Variants in LINGO2 observed in about 807,000 individuals in gnomAD.
LINGO2 encodes the protein leucine rich repeat and Ig domain containing 2, also known as leucine-rich repeat and immunoglobulin-like domain-containing nogo receptor-interacting protein 2.
A neutral mutation model predicts 30.6 loss-of-function variants in LINGO2; 14 were observed. That is an observed-to-expected ratio of 0.46 (90% CI 0.30 to 0.72). LINGO2 has a LOEUF of 0.72. Among genes scored for constraint, LINGO2 ranks in the 30% least tolerant of loss-of-function variants. LINGO2 has a pLI of 0.07. For missense variants in LINGO2, 729 were observed against 751.7 expected (o/e 0.97, Z 0.35); for synonymous variants, 317 against 288.5 (o/e 1.10, Z -1.00).
the LINGO2 span, among the ~76,000 whole-genome samples, chr9:28,884,933 A>ATATATAATATATATAATATATAATATTT: frequency 1.5e-4 from 1 of 6,844 alleles, no homozygotes; most frequent in Non-Finnish European, 3.9e-4. Flanking sequence ...ATATAATATT[A>ATATATAATATATATAATATATAATATTT]TATATAATAT....
intron 2 of LINGO2, among the ~76,000 whole-genome samples, chr9:28,461,108 G>A (rs142558007): frequency 2.6e-3 from 394 of 152,036 alleles, no homozygotes; most frequent in Non-Finnish European, 4.0e-3. Flanking sequence ...TCTACAGTTT[G>A]CTACAAATAT....
chr9:29,136,758 C>G, the LINGO2 span, among the ~76,000 whole-genome samples: 2 of 152,106 alleles, frequency 1.3e-5, no homozygotes, highest in African/African-American at 4.8e-5. Flanking sequence ...TAGTCCATAA[C>G]CACGGCTTCA....
the LINGO2 span, among the ~76,000 whole-genome samples, chr9:29,097,394 C>A: frequency 7.3e-6 from 1 of 137,684 alleles, no homozygotes; most frequent in Non-Finnish European, 1.6e-5. Context: ...ATTTCATATG[C>A]CATCTTCAAA....
chr9:28,085,852 G>A (rs1461694104), intron 4 of LINGO2, among the ~76,000 whole-genome samples: 2 of 152,070 alleles, frequency 1.3e-5, no homozygotes, highest in Admixed American at 6.6e-5. Context: ...ATTTTACTGG[G>A]CGGTATGATA....
intron 5 of LINGO2, among the ~76,000 whole-genome samples, chr9:27,960,774 G>A (rs1587544492): frequency 1.3e-5 from 2 of 151,932 alleles, no homozygotes; most frequent in East Asian, 3.9e-4. Context: ...TATAGTTATT[G>A]ATATGGTTGC....
chr9:28,027,526 G>A (rs1389341599), intron 4 of LINGO2, among the ~76,000 whole-genome samples: 1 of 152,140 alleles, frequency 6.6e-6, no homozygotes. Flanking sequence ...GCAAGCATGG[G>A]TGGAATACAG....
chr9:28,061,966 G>T (rs967917221), intron 4 of LINGO2, among the ~76,000 whole-genome samples: 8 of 152,064 alleles, frequency 5.3e-5, no homozygotes, highest in Non-Finnish European at 1.2e-4. Context: ...TACCAATAAT[G>T]ATGAAATATA....
chr9:28,283,843 C>T (rs1026190714), intron 4 of LINGO2, among the ~76,000 whole-genome samples: 1 of 152,042 alleles, frequency 6.6e-6, no homozygotes, highest in South Asian at 2.1e-4. Context: ...TAGAAAGATA[C>T]ATGATATATT....
chr9:28,295,096 C>T (rs1297418909), intron 4 of LINGO2, 112 bp downstream of exon 6: 1 of 152,192 alleles, frequency 6.6e-6, no homozygotes, highest in Non-Finnish European at 1.5e-5. Context: ...ACAACCTGCT[C>T]TGTGGACTTA....
intron 4 of LINGO2, among the ~76,000 whole-genome samples, chr9:28,219,345 C>A (rs1212451062): frequency 6.6e-6 from 1 of 152,102 alleles, no homozygotes; most frequent in Non-Finnish European, 1.5e-5. Flanking sequence ...AATGGGGCTT[C>A]TTGTTCAGTT....
the LINGO2 span, among the ~76,000 whole-genome samples, chr9:28,689,548 T>TA: frequency 2.6e-5 from 4 of 151,886 alleles, no homozygotes; most frequent in African/African-American, 4.8e-5. Context: ...ATCAAAAAGT[T>TA]AAAAAACAAC....
At chr9:28,837,682 T>TATATATATATATATATA in the LINGO2 span, among the ~76,000 whole-genome samples, 2 of 46,778 alleles carry the variant, frequency 4.3e-5, no homozygotes, top group African/African-American at 5.7e-5. Flanking sequence ...ATATATATAT[T>TATATATATATATATATA]TAGGATAACA....
intron 1 of LINGO2, among the ~76,000 whole-genome samples, chr9:28,593,362 A>C (rs1033368513): frequency 2.0e-5 from 3 of 152,122 alleles, no homozygotes; most frequent in African/African-American, 4.8e-5. Flanking sequence ...TTACTAAATG[A>C]GGATACTCTA....
chr9:29,072,560 A>G, the LINGO2 span, among the ~76,000 whole-genome samples: 397 of 150,784 alleles, frequency 2.6e-3, 2 homozygotes, highest in African/African-American at 9.0e-3. Context: ...ATATACACAA[A>G]TATCTCAAGG....
intron 4 of LINGO2, among the ~76,000 whole-genome samples, chr9:28,052,309 G>A (rs1282330931): frequency 6.6e-6 from 1 of 152,070 alleles, no homozygotes; most frequent in Non-Finnish European, 1.5e-5. Context: ...TGCTAACACA[G>A]CAATTACAAG....
intron 2 of LINGO2, among the ~76,000 whole-genome samples, chr9:28,391,051 G>A (rs1276721408): frequency 1.3e-5 from 2 of 151,924 alleles, no homozygotes; most frequent in South Asian, 4.2e-4. Context: ...CTTAGATGTG[G>A]GTAATTCAGA....
intron 4 of LINGO2, among the ~76,000 whole-genome samples, chr9:28,244,115 TACAA>T (rs1293829807): frequency 5.3e-5 from 8 of 152,110 alleles, no homozygotes; most frequent in Non-Finnish European, 7.4e-5. Flanking sequence ...ACAGAAATCA[TACAA>T]ACAGTCTCTT....
intron 3 of LINGO2, among the ~76,000 whole-genome samples, chr9:28,325,167 G>T (rs532743184): frequency 6.8e-6 from 1 of 146,912 alleles, no homozygotes; most frequent in Non-Finnish European, 1.5e-5. Context: ...AGACAGGTTT[G>T]TTCCTGATTA....
intron 4 of LINGO2, among the ~76,000 whole-genome samples, chr9:28,059,829 G>A (rs539956460): frequency 8.6e-5 from 13 of 151,880 alleles, no homozygotes; most frequent in Admixed American, 2.6e-4. Flanking sequence ...CTGGATTGAC[G>A]CTTCTAAACA....
Sources: allele counts gnomAD v4.1 joint callset (sites outside exome capture counted in the v4.1 genomes callset), GRCh38; gene constraint gnomAD v4.1.1; transcripts MANE v1.5; gene names NCBI Gene and HGNC (gene_info 2026-07-23, HGNC 2026-07-21).